Variants in MTARC1 observed in about 807,000 individuals in gnomAD.
MTARC1 encodes the protein mitochondrial amidoxime reducing component 1.
Under a neutral mutation model 33.6 loss-of-function variants are expected in MTARC1, and 24 were observed. That is an observed-to-expected ratio of 0.72 (90% CI 0.52 to 1.01). The LOEUF is 1.01. Among genes scored for constraint, MTARC1 ranks in the 50% least tolerant of loss-of-function variants. The pLI, the probability that MTARC1 is intolerant of heterozygous loss-of-function variation, is 0.00. For synonymous variants in MTARC1, 187 were observed against 189.5 expected (o/e 0.99, Z 0.11); for missense variants, 417 against 445.7 (o/e 0.94, Z 0.58).
At position 220,788,772 on chromosome 1, in the gene MTARC1, T is replaced by G. The variant is rs77744343; in HGVS notation, c.275+1553T>G. 5.6e-3 allele frequency among the ~76,000 whole-genome samples: 816 copies of G among 147,016 alleles called. 6 individuals carry two copies. The East Asian group carries it at 0.058, about 10-fold the overall frequency. On this transcript the variant is annotated intron_variant, in intron 1 of 6. Coordinates refer to ENST00000366910, the MANE Select transcript of MTARC1 (RefSeq NM_022746.4). ...GAGATCTCGCCACTGCACTCCAGTC[T>G]GAGCGACAGAGTGAGACTAAGTCTC...
chr1:220,799,216 A>G (rs207461172), intron 4 of MTARC1: 1 of 970,734 alleles, frequency 1.0e-6, no homozygotes, highest in South Asian at 4.8e-5. Flanking sequence ...TAAAATACTC[A>G]TTGCTCCAAA....
chr1:220,787,500 G>A (rs1375663157), intron 1 of MTARC1, among the ~76,000 whole-genome samples: 1 of 152,122 alleles, frequency 6.6e-6, no homozygotes, highest in South Asian at 2.1e-4. Flanking sequence ...CTCCTGCTGA[G>A]GTGTGGTATC....
In MTARC1 at chr1:220,818,133, G is replaced by T. The variant is rs78866236; in HGVS notation, c.*4715G>T. On this transcript the variant is annotated 3_prime_UTR_variant, in exon 7 of 7. Coordinates refer to ENST00000366910, the MANE Select transcript of MTARC1 (RefSeq NM_022746.4). ...AAGAATCTGGCTCGGTACCACAGAT[G>T]TTCTTGGAATTGGGATAGTAAAAAA... The T allele has an allele frequency of 3.3e-5, 5 of 152,316 alleles. No individual in the cohort carries two copies. Among genetic ancestry groups the T allele is most frequent in the African/African-American group, 1.2e-4 (5 of 41,578 alleles). The allele number at this position is 152,316 out of a possible 1,614,324, so 9.4% of individuals were successfully genotyped here. A position where few individuals can be genotyped will look rare whatever the true frequency, so the allele number is the denominator to read the frequency against.
chr1:220,817,335 A>C lies in MTARC1; in HGVS notation c.*3917A>C, dbSNP rs781533228. On this transcript the variant is annotated 3_prime_UTR_variant, in exon 7 of 7. Transcript: ENST00000366910. ...GAGTGTTACAGCTCTTAAAGGTGGC[A>C]CGGACCCAAAGTGAGCAGTAGCAAG... is the stretch of plus-strand genomic sequence containing the variant. The C allele has an allele frequency of 9.2e-5, 14 of 152,672 alleles. No homozygotes were observed. The highest frequency in any genetic ancestry group is 3.4e-4 in the African/African-American group (14 of 41,430). 9.5% of individuals were successfully genotyped at this position (152,672 alleles called of 1,614,324 possible). A position where few individuals can be genotyped will look rare whatever the true frequency, so the allele number is the denominator to read the frequency against.
At chr1:220,808,513 T>C (rs954965036) in intron 6 of MTARC1, among the ~76,000 whole-genome samples, 1 of 152,200 alleles carries the variant, frequency 6.6e-6, no homozygotes, top group Non-Finnish European at 1.5e-5. Flanking sequence ...CCACATCCCA[T>C]AAATCATGGG....
At chr1:220,789,988 A>T (rs988341456) in intron 1 of MTARC1, among the ~76,000 whole-genome samples, 21 of 152,206 alleles carry the variant, frequency 1.4e-4, no homozygotes, top group African/African-American at 5.1e-4. Context: ...AATAGTGGTG[A>T]TGGTTGCACA....
At chr1:220,793,278 A>G (rs994423082) in intron 2 of MTARC1, 2 of 152,200 alleles carry the variant, frequency 1.3e-5, no homozygotes, top group African/African-American at 2.4e-5. Flanking sequence ...TTTATTTGCC[A>G]TGGTTAGATA....
Position 220,801,173 on chromosome 1 carries a change from C to T in MTARC1, c.753+3159C>T, listed in dbSNP as rs1672788533. On this transcript the variant is annotated intron_variant, in intron 4 of 6. Transcript: ENST00000366910. ...GACCTGCACCCCGCCAGCTCCCAGC[C>T]CCTTCTCCTCTCACTCCCCTCTGCT... is the stretch of plus-strand genomic sequence containing the variant. Among the ~76,000 whole-genome samples, 5 of 152,148 alleles carry T rather than the reference C, an allele frequency of 3.3e-5. No individual in the cohort carries two copies. In the South Asian group the frequency reaches 1.0e-3, roughly 32 times the overall value.
At chr1:220,797,187 C>T (rs1462309383) in intron 3 of MTARC1, among the ~76,000 whole-genome samples, 2 of 152,158 alleles carry the variant, frequency 1.3e-5, no homozygotes, top group African/African-American at 2.4e-5. Flanking sequence ...TATGGAGATA[C>T]ACAGACTCAA....
Position 220,816,318 on chromosome 1 carries a change from G to T in MTARC1, c.*2900G>T, listed in dbSNP as rs958844065. On this transcript the variant is annotated 3_prime_UTR_variant, in exon 7 of 7. Coordinates refer to ENST00000366910, the MANE Select transcript of MTARC1 (RefSeq NM_022746.4). ...CAAATTAAAGCAACCCATGATGGTG[G>T]AGAACAGATACATTAAAGTTCCTTG... The T allele has an allele frequency of 3.3e-5, 5 of 152,224 alleles. No individual in the cohort carries two copies. The highest frequency in any genetic ancestry group is 4.8e-5 in the African/African-American group (2 of 41,454). The allele number at this position is 152,224 out of a possible 1,614,324, so 9.4% of individuals were successfully genotyped here.
At chr1:220,800,626 C>T (rs900322178) in intron 4 of MTARC1, among the ~76,000 whole-genome samples, 5 of 151,616 alleles carry the variant, frequency 3.3e-5, no homozygotes, top group Non-Finnish European at 7.4e-5. Flanking sequence ...TTAAGACCTT[C>T]TCTGCCCTGA....
intron 2 of MTARC1, chr1:220,794,287 A>G (rs951093399): frequency 2.0e-5 from 3 of 148,028 alleles, no homozygotes; most frequent in African/African-American, 7.5e-5. Flanking sequence ...TTTTTTTCTC[A>G]TAGGCACCAG....
chr1:220,798,292 C>T (rs1672685928), intron 4 of MTARC1: 6 of 1,322,164 alleles, frequency 4.5e-6, no homozygotes, highest in Non-Finnish European at 5.9e-6. Context: ...TGTTGAGTCA[C>T]ATTTTCTTGC....
intron 4 of MTARC1, among the ~76,000 whole-genome samples, chr1:220,800,050 T>G (rs572940343): frequency 2.0e-5 from 3 of 152,316 alleles, no homozygotes; most frequent in African/African-American, 7.2e-5. Flanking sequence ...CTGTGTGATT[T>G]GTGCACCGAG....
chr1:220,802,631 C>T (rs917384920), intron 4 of MTARC1, among the ~76,000 whole-genome samples: 36 of 152,344 alleles, frequency 2.4e-4, no homozygotes, highest in African/African-American at 8.4e-4. Flanking sequence ...TGCGCCTGGC[C>T]CCCAAACTCC....
At chr1:220,788,138 G>A (rs963045933) in intron 1 of MTARC1, among the ~76,000 whole-genome samples, 2 of 152,208 alleles carry the variant, frequency 1.3e-5, no homozygotes, top group Non-Finnish European at 2.9e-5. Flanking sequence ...AGCAGAACCA[G>A]GACTCTTATT....
At chr1:220,793,030 G>C (rs1374209541) in intron 2 of MTARC1, among the ~76,000 whole-genome samples, 1 of 152,128 alleles carries the variant, frequency 6.6e-6, no homozygotes, top group Non-Finnish European at 1.5e-5. Flanking sequence ...TCTAGCAGTG[G>C]TTTTGCTTGA....
chr1:220,800,401 G>A (rs1672755472), intron 4 of MTARC1, among the ~76,000 whole-genome samples: 1 of 89,682 alleles, frequency 1.1e-5, no homozygotes, highest in African/African-American at 6.1e-5. Flanking sequence ...AAGGAGCTCA[G>A]TGTGGTCAGA....
At chr1:220,810,402 G>C (rs1301539746) in intron 6 of MTARC1, among the ~76,000 whole-genome samples, 1 of 152,164 alleles carries the variant, frequency 6.6e-6, no homozygotes, top group Admixed American at 6.5e-5. Context: ...GCAGGAGGCG[G>C]TGAGAGCCCG....
Sources: allele counts gnomAD v4.1 joint callset (sites outside exome capture counted in the v4.1 genomes callset), GRCh38; gene constraint gnomAD v4.1.1; transcripts MANE v1.5; gene names NCBI Gene and HGNC (gene_info 2026-07-23, HGNC 2026-07-21).